Variants in DIAPH2 observed in about 807,000 individuals in gnomAD.
DIAPH2 encodes protein diaphanous homolog 2.
Under a neutral mutation model 92.7 loss-of-function variants are expected in DIAPH2, and 35 were observed. The ratio of observed to expected loss-of-function variants is 0.38; its 90% CI spans 0.29 to 0.50. The LOEUF (loss-of-function observed/expected upper bound fraction) is 0.50, where lower values mean the gene tolerates loss of function less well. Ranked by LOEUF, DIAPH2 falls within the 20% of genes least tolerant of loss-of-function variation. The pLI is 0.94. For missense variants in DIAPH2, 701 were observed against 819.5 expected (o/e 0.86, Z 1.77); for synonymous variants, 301 against 280.4 (o/e 1.07, Z -0.73).
chrX:97,151,121 A>ATTGGAATG (rs1276583491), intron 22 of DIAPH2, among the ~76,000 whole-genome samples: 1 of 111,491 alleles, frequency 9.0e-6, no homozygotes, highest in African/African-American at 3.3e-5. Context: ...TGGGTTCATG[A>ATTGGAATG]TTGGAATGGA....
chrX:96,925,166 C>G (rs757045782), intron 9 of DIAPH2, among the ~76,000 whole-genome samples: 1 of 110,517 alleles, frequency 9.0e-6, no homozygotes, highest in South Asian at 3.9e-4. Flanking sequence ...CTCTTCCTCC[C>G]AACTCACAGA....
chrX:97,309,861 G>T (rs1196037815), intron 23 of DIAPH2, among the ~76,000 whole-genome samples: 1 of 112,309 alleles, frequency 8.9e-6, no homozygotes, highest in Non-Finnish European at 1.9e-5. Context: ...CCTAGAAACA[G>T]TTTTAAGGCC....
intron 26 of DIAPH2, among the ~76,000 whole-genome samples, chrX:97,490,825 G>A (rs2070720709): frequency 1.8e-5 from 2 of 111,428 alleles, no homozygotes; most frequent in Admixed American, 9.5e-5. Flanking sequence ...GACTTAACAC[G>A]TGATATATTC....
intron 4 of DIAPH2, among the ~76,000 whole-genome samples, chrX:96,796,471 C>G (rs2064540541): frequency 8.9e-6 from 1 of 112,207 alleles, no homozygotes; most frequent in Non-Finnish European, 1.9e-5. Context: ...TGAGCCACCA[C>G]GCTGGCCTCT....
At chrX:96,689,220 T>A (rs1028504466) in intron 1 of DIAPH2, among the ~76,000 whole-genome samples, 1 of 102,879 alleles carries the variant, frequency 9.7e-6, no homozygotes, top group African/African-American at 3.6e-5. Flanking sequence ...AGGGTACACA[T>A]GGTAGACTTG....
At chrX:96,795,654 C>T (rs766821324) in intron 4 of DIAPH2, among the ~76,000 whole-genome samples, 1 of 111,580 alleles carries the variant, frequency 9.0e-6, no homozygotes, top group Non-Finnish European at 1.9e-5. Flanking sequence ...AAGATTATGT[C>T]TTCTTTATTA....
chrX:96,735,669 T>C, intron 1 of DIAPH2, 89 bp from the exon 2 acceptor site: 2 of 541,152 alleles, frequency 3.7e-6, no homozygotes, highest in Non-Finnish European at 6.1e-6. Flanking sequence ...TTAATAAAAA[T>C]GAAAATTATT....
At chrX:97,059,491 G>A (rs1356730710) in intron 17 of DIAPH2, among the ~76,000 whole-genome samples, 3 of 110,715 alleles carry the variant, frequency 2.7e-5, no homozygotes, top group Non-Finnish European at 1.9e-5. Flanking sequence ...GGTGCCGACC[G>A]CCCGCCATGC....
intron 26 of DIAPH2, among the ~76,000 whole-genome samples, chrX:97,582,544 G>A (rs866370031): frequency 4.5e-5 from 5 of 110,023 alleles, no homozygotes; most frequent in Admixed American, 2.9e-4. Context: ...CGAGAGATCC[G>A]CTGTTAGTCT....
chrX:97,541,024 G>A (rs1276880951), intron 26 of DIAPH2, among the ~76,000 whole-genome samples: 1 of 111,421 alleles, frequency 9.0e-6, no homozygotes, highest in Non-Finnish European at 1.9e-5. Context: ...AAAATCTGAG[G>A]AAGTGCTAGC....
At chrX:97,350,714 G>A (rs960702219) in intron 24 of DIAPH2, among the ~76,000 whole-genome samples, 7 of 111,977 alleles carry the variant, frequency 6.3e-5, no homozygotes, top group African/African-American at 2.3e-4. Flanking sequence ...AGAGTTAAAG[G>A]ATTGATCTCT....
intron 24 of DIAPH2, among the ~76,000 whole-genome samples, chrX:97,359,748 T>G (rs915188175): frequency 9.2e-6 from 1 of 108,476 alleles, no homozygotes; most frequent in African/African-American, 3.4e-5. Context: ...TGGCTAATTT[T>G]TGTATTTTTA....
chrX:97,512,342 G>A (rs2070903516), intron 26 of DIAPH2, among the ~76,000 whole-genome samples: 1 of 112,764 alleles, frequency 8.9e-6, no homozygotes, highest in Non-Finnish European at 1.9e-5. Context: ...ATTTCTGTGG[G>A]ATCGGTGGTG....
intron 19 of DIAPH2, among the ~76,000 whole-genome samples, chrX:97,091,780 C>G (rs767251512): frequency 9.9e-5 from 11 of 111,551 alleles, no homozygotes; most frequent in African/African-American, 2.9e-4. Context: ...GGGAGGTAAT[C>G]TTTCTATTCT....
At chrX:97,492,621 A>G (rs1161927029) in intron 26 of DIAPH2, among the ~76,000 whole-genome samples, 1 of 111,082 alleles carries the variant, frequency 9.0e-6, no homozygotes, top group Non-Finnish European at 1.9e-5. Context: ...TGTTTGGAAA[A>G]GTCTTTATCT....
chrX:97,344,601 A>T (rs2069140426), intron 23 of DIAPH2, among the ~76,000 whole-genome samples: 1 of 111,867 alleles, frequency 8.9e-6, no homozygotes, highest in Admixed American at 9.5e-5. Context: ...TTTACAAAGT[A>T]ATCTCTTTGA....
rs1443611666 is a variant in DIAPH2, at chrX:97,556,600, A to G, written c.3242-42653A>G. 2.7e-5 allele frequency among the ~76,000 whole-genome samples: 3 copies of G among 111,502 alleles called. No homozygotes were observed. The East Asian group carries it at 8.5e-4, about 31-fold the overall frequency. ...TTCCAATTTCTACCCCCATTGTCAC[A>G]TGGCCTTCTTACCTCTGTGTGCCCT... On this transcript the variant is annotated intron_variant, in intron 26 of 26. Transcript: ENST00000324765.
chrX:96,922,377 T>G (rs969651029), intron 9 of DIAPH2, among the ~76,000 whole-genome samples: 1 of 111,549 alleles, frequency 9.0e-6, no homozygotes, highest in African/African-American at 3.3e-5. Context: ...TCAACACTTC[T>G]TTCTTTTTTG....
At chrX:97,319,419 C>T (rs1170437787) in intron 23 of DIAPH2, among the ~76,000 whole-genome samples, 1 of 106,520 alleles carries the variant, frequency 9.4e-6, no homozygotes, top group Non-Finnish European at 1.9e-5. Context: ...GACGGAGTCT[C>T]GCTCTTTGGC....
Sources: allele counts gnomAD v4.1 joint callset (sites outside exome capture counted in the v4.1 genomes callset), GRCh38; gene constraint gnomAD v4.1.1; transcripts MANE v1.5; gene names NCBI Gene and HGNC (gene_info 2026-07-23, HGNC 2026-07-21).